Variants in ABL1 observed in about 807,000 individuals in gnomAD.
ABL1 encodes tyrosine-protein kinase ABL1.
ABL1 carries 11 observed loss-of-function variants against 94.7 expected under a neutral mutation model. The ratio of observed to expected loss-of-function variants is 0.12; its 90% confidence interval spans 0.07 to 0.19. ABL1 has a LOEUF of 0.19. ABL1 is among the 10% of genes least tolerant of loss of function. The pLI is 1.00. For missense variants in ABL1, 1,082 were observed against 1,489.4 expected (o/e 0.73, Z 4.50); for synonymous variants, 656 against 622.4 (o/e 1.05, Z -0.80).
rs572311321 is a variant in ABL1 at position 130,886,061 on chromosome 9, C to T, written c.*378C>T. 7.6e-6 allele frequency: 2 copies of T among 262,934 alleles called. No individual in the cohort carries two copies. The highest frequency in any genetic ancestry group is 2.2e-5 in the African/African-American group (1 of 46,220). The allele number at this position is 262,934 out of a possible 1,614,324, so 16.3% of individuals were successfully genotyped here. A position where few individuals can be genotyped will look rare whatever the true frequency, so the allele number is the denominator to read the frequency against. On this transcript the variant is annotated 3_prime_UTR_variant, in exon 11 of 11. Coordinates refer to ENST00000318560, the MANE Select transcript of ABL1 (RefSeq NM_005157.6). ...TTTTTCATTTTTTTCTCTCTGGAGC[C>T]CCTCCTCCCCCGGCTGGGCCTCCTT...
At chr9:130,853,150 T>C (rs969184522) in intron 1 of ABL1, among the ~76,000 whole-genome samples, 2 of 151,274 alleles carry the variant, frequency 1.3e-5, no homozygotes, top group Non-Finnish European at 2.9e-5. Context: ...TTTTAAGCCC[T>C]TCTGTACGAT....
At chr9:130,757,942 A>G (rs954742592) in intron 1 of ABL1, among the ~76,000 whole-genome samples, 2 of 152,204 alleles carry the variant, frequency 1.3e-5, no homozygotes, top group Admixed American at 6.5e-5. Context: ...TGAGGAAGCA[A>G]TGGCCCCTCC....
chr9:130,744,852 G>C (rs1370092874), intron 1 of ABL1, among the ~76,000 whole-genome samples: 1 of 132,796 alleles, frequency 7.5e-6, no homozygotes, highest in Non-Finnish European at 1.6e-5. Flanking sequence ...GTGAGACTCC[G>C]TCTCAAAAAA....
chr9:130,758,519 G>A (rs544194096), intron 1 of ABL1, among the ~76,000 whole-genome samples: 23 of 151,458 alleles, frequency 1.5e-4, no homozygotes, highest in African/African-American at 3.4e-4. Flanking sequence ...TGTAACCTCC[G>A]CCTCCTGGGT....
At chr9:130,713,160 G>C (rs1831392053) in exon 1 of ABL1, among the ~76,000 whole-genome samples, 1 of 152,232 alleles carries the variant, frequency 6.6e-6, no homozygotes, top group Non-Finnish European at 1.5e-5. Flanking sequence ...CCTACCGGCG[G>C]GGGGCGGCTG....
intron 1 of ABL1, among the ~76,000 whole-genome samples, chr9:130,822,195 C>T (rs1830371850): frequency 6.6e-6 from 1 of 152,198 alleles, no homozygotes; most frequent in Non-Finnish European, 1.5e-5. Flanking sequence ...TGGTCTCAAA[C>T]TCCTGACCTC....
At chr9:130,810,530 C>CTGAA (rs35685561) in intron 1 of ABL1, among the ~76,000 whole-genome samples, 37,513 of 151,514 alleles carry the variant, frequency 0.25, 6,022 homozygotes, top group African/African-American at 0.47. Context: ...GAAAAATACA[C>CTGAA]TGAAGACTGT....
intron 1 of ABL1, among the ~76,000 whole-genome samples, chr9:130,760,456 C>G (rs1410601984): frequency 2.0e-5 from 3 of 152,170 alleles, no homozygotes; most frequent in Non-Finnish European, 4.4e-5. Flanking sequence ...CCAAGTCTTA[C>G]AGATGTCAAG....
At chr9:130,869,968 G>A (rs980827294) in intron 4 of ABL1, among the ~76,000 whole-genome samples, 10 of 152,158 alleles carry the variant, frequency 6.6e-5, no homozygotes, top group Non-Finnish European at 1.0e-4. Context: ...GGAACTACAG[G>A]CATGCGCTAC....
At chr9:130,745,036 A>G (rs908586310) in intron 1 of ABL1, among the ~76,000 whole-genome samples, 1 of 151,852 alleles carries the variant, frequency 6.6e-6, no homozygotes, top group African/African-American at 2.4e-5. Flanking sequence ...TGGGCAAGGA[A>G]TAAAGGTAGA....
At chr9:130,834,875 G>C (rs1047289873), upstream of ABL1, 3 of 456,022 alleles carry the variant, frequency 6.6e-6, no homozygotes, top group Non-Finnish European at 1.3e-5. Flanking sequence ...TTTCACCAGC[G>C]TTCTCGGGTC....
chr9:130,827,919 A>AAATT (rs1830445622), intron 1 of ABL1, among the ~76,000 whole-genome samples: 1 of 147,936 alleles, frequency 6.8e-6, no homozygotes, highest in African/African-American at 2.5e-5. Context: ...ATAAATAAAT[A>AAATT]AATAAATAAA....
At chr9:130,828,853 A>C (rs1830460345) in intron 1 of ABL1, among the ~76,000 whole-genome samples, 1 of 152,258 alleles carries the variant, frequency 6.6e-6, no homozygotes, top group African/African-American at 2.4e-5. Context: ...AAATGTAAGG[A>C]AAAATTTCAG....
chr9:130,771,757 T>C (rs1200669118), intron 1 of ABL1, among the ~76,000 whole-genome samples: 51 of 143,678 alleles, frequency 3.5e-4, no homozygotes, highest in Non-Finnish European at 5.2e-4. Flanking sequence ...TCTTTCTTTT[T>C]TTTTTTTTTT....
At chr9:130,788,220 A>G (rs1052933428) in intron 1 of ABL1, among the ~76,000 whole-genome samples, 2 of 152,244 alleles carry the variant, frequency 1.3e-5, no homozygotes, top group African/African-American at 2.4e-5. Flanking sequence ...AATAATTTCA[A>G]ACTTACAGAA....
intron 1 of ABL1, among the ~76,000 whole-genome samples, chr9:130,722,347 C>G (rs191942415): frequency 6.6e-6 from 1 of 152,050 alleles, no homozygotes; most frequent in African/African-American, 2.4e-5. Flanking sequence ...GAGCCAAGAT[C>G]ACACCACTGC....
chr9:130,822,502 A>G lies in ABL1; in HGVS notation c.137-31562A>G, dbSNP rs1340830225. Among the ~76,000 whole-genome samples, 8 of 144,246 alleles carry G rather than the reference A, an allele frequency of 5.5e-5. No individual in the cohort carries two copies. In the South Asian group the frequency reaches 1.7e-3, roughly 31 times the overall value. The allele number at this position is 144,246 out of a possible 152,430, so 94.6% of individuals were successfully genotyped here. On this transcript the variant is annotated intron_variant, in intron 1 of 10. Transcript: ENST00000372348. The stretch of plus-strand genomic sequence containing the variant: ...TTGCTGTGTTGTTCAGGCTGGCCTC[A>G]AACTCCTGGGCTCAAGTGCTCCTCC...
upstream of ABL1, chr9:130,835,003 A>G (rs868482541): frequency 2.6e-3 from 935 of 364,590 alleles, 12 homozygotes; most frequent in African/African-American, 0.019. The surrounding 1 kb of genome is among the most constrained non-coding windows in gnomAD (Gnocchi z 4.6). Flanking sequence ...GCAGGCCTGC[A>G]CCCTCCCCGC....
At chr9:130,837,413 G>A (rs1461896350) in intron 1 of ABL1, among the ~76,000 whole-genome samples, 1 of 152,150 alleles carries the variant, frequency 6.6e-6, no homozygotes, top group Non-Finnish European at 1.5e-5. Context: ...GCTTTGCCAA[G>A]TCATTGTTTT....
Sources: allele counts gnomAD v4.1 joint callset (sites outside exome capture counted in the v4.1 genomes callset), GRCh38; gene constraint gnomAD v4.1.1; non-coding constraint Gnocchi (gnomAD v3.1); transcripts MANE v1.5; gene names NCBI Gene and HGNC (gene_info 2026-07-23, HGNC 2026-07-21).